The following ZNF235 variants were observed in gnomAD, a reference collection of about 807,000 sequenced individuals.
ZNF235 encodes the protein zinc finger protein 235, also known as zfp-93.
Under a neutral mutation model 29.4 loss-of-function variants are expected in ZNF235, and 25 were observed. That is an observed-to-expected ratio of 0.85 (90% CI 0.62 to 1.19). The LOEUF (loss-of-function observed/expected upper bound fraction) is 1.19. ZNF235 is among the 50% of genes most tolerant of loss of function. The pLI is 0.00. For missense variants in ZNF235, 788 were observed against 885.0 expected (o/e 0.89, Z 1.39); for synonymous variants, 300 against 295.3 (o/e 1.02, Z -0.16).
At chr19:44,299,874 A>G (rs1975710561) in intron 2 of ZNF235, 142 bp from the exon 3 acceptor site, 1 of 1,273,880 alleles carries the variant, frequency 7.9e-7, no homozygotes, top group Non-Finnish European at 1.1e-6. Context: ...CACCTTGTAC[A>G]TGTAACGTGG....
At chr19:44,301,369 G>A (rs1418697621) in intron 2 of ZNF235, among the ~76,000 whole-genome samples, 2 of 152,148 alleles carry the variant, frequency 1.3e-5, no homozygotes, top group Admixed American at 6.5e-5. Flanking sequence ...ACTGAGAAAG[G>A]GAATCTGGTG....
At chr19:44,295,562 T>C (rs76681651) in intron 4 of ZNF235, among the ~76,000 whole-genome samples, 1 of 152,108 alleles carries the variant, frequency 6.6e-6, no homozygotes, top group Non-Finnish European at 1.5e-5. Context: ...TAAATACTAA[T>C]GTCATTTTTT....
At chr19:44,298,711 TA>T in intron 4 of ZNF235, 96 bp downstream of exon 4, 1 of 960,804 alleles carries the variant, frequency 1.0e-6, no homozygotes, top group Non-Finnish European at 1.6e-6. Context: ...AGATGTTTTT[TA>T]AAAAAGTCTC....
chr19:44,305,014 G>T lies in ZNF235; in HGVS notation c.-92C>A. 1.1e-6 allele frequency: 1 copy of T among 910,260 alleles called. No homozygotes were observed. Among genetic ancestry groups the T allele is most frequent in the East Asian group, 1.2e-4 (1 of 8,408 alleles). 56.4% of individuals were successfully genotyped at this position (910,260 alleles called of 1,614,324 possible). On this transcript the variant is annotated 5_prime_UTR_variant, in exon 1 of 5. Transcript: ENST00000291182. Reference sequence around the variant, plus strand: ...AGATCCGACCTCGCCTTCCTGGAGCGGAAGTGCCTCCGAGTGCCCACGGTT... The same window carrying T: ...AGATCCGACCTCGCCTTCCTGGAGCTGAAGTGCCTCCGAGTGCCCACGGTT...
At chr19:44,301,357 G>GC in intron 2 of ZNF235, among the ~76,000 whole-genome samples, 1 of 152,190 alleles carries the variant, frequency 6.6e-6, no homozygotes, top group Non-Finnish European at 1.5e-5. Context: ...AAAGAGCCAT[G>GC]CACTGAGAAA....
chr19:44,291,218 C>T (rs1261847503), intron 4 of ZNF235, among the ~76,000 whole-genome samples: 3 of 152,170 alleles, frequency 2.0e-5, no homozygotes, highest in African/African-American at 4.8e-5. Flanking sequence ...CTAACCACAA[C>T]TGATTTAAAT....
At position 44,288,407 on chromosome 19, in the gene ZNF235, CCT is replaced by C. The variant is rs751661608; in HGVS notation, c.1026_1027del (p.Lys345ThrfsTer9). ...CTCGTGGCATGTATAGGGTTTCTCC[CCT>C]GTGTGGACTCTCTGATGAGTTTGCA... On this transcript the variant is annotated frameshift_variant, in exon 5 of 5. Transcript: ENST00000291182. LOFTEE classifies it high-confidence loss of function. The C allele has an allele frequency of 3.8e-5, 62 of 1,613,970 alleles. No individual in the cohort carries two copies. The highest frequency in any genetic ancestry group is 1.9e-4 in the African/African-American group (14 of 74,982).
Position 44,288,835 on chromosome 19 carries a change from C to T in ZNF235, c.600G>A (p.Gln200=), listed in dbSNP as rs775093919. The T allele has an allele frequency of 6.2e-7, 1 of 1,612,630 alleles. No homozygotes were observed. Among genetic ancestry groups the T allele is most frequent in the Non-Finnish European group, 8.5e-7 (1 of 1,179,084 alleles). ...TACATAGTTTGTTTTTCATCTGAGT[C>T]TGCTTACAACTTCTCTGATAATTCT... ...ETQNYQRSCK[Q]TQMKNKLCIF... Residue 200 remains glutamine, a synonymous_variant, in exon 5 of 5, where the codon CAG becomes CAA. Transcript: ENST00000291182.
chr19:44,299,821 C>T (rs1193159667), intron 2 of ZNF235, 89 bp from the exon 3 acceptor site: 4 of 1,600,394 alleles, frequency 2.5e-6, no homozygotes, highest in South Asian at 1.1e-5. Context: ...CTATTCTTCC[C>T]CTTCCACAAT....
chr19:44,299,548 C>T, intron 3 of ZNF235, 58 bp downstream of exon 3: 3 of 1,600,802 alleles, frequency 1.9e-6, no homozygotes, highest in East Asian at 2.2e-5. Context: ...TGGCCCAAAA[C>T]ATCAATGGCA....
At position 44,287,403 on chromosome 19, in the gene ZNF235, T is replaced by G; in HGVS notation, c.2032A>C (p.Thr678Pro). 1 of 1,614,132 alleles carries G rather than the reference T, an allele frequency of 6.2e-7. No individual in the cohort carries two copies. Among genetic ancestry groups the G allele is most frequent in the Non-Finnish European group, 8.5e-7 (1 of 1,180,004 alleles). The change falls in exon 5 of 5, where the codon ACA (threonine) becomes CCA (proline). Residue 678 changes from threonine (T) to proline (P), a missense_variant. Transcript: ENST00000291182. ...AGLSAHQRVH[T>P]GEKPYTCQQC... The stretch of plus-strand genomic sequence containing the variant: ...TGACACGTATAGGGTTTCTCTCCTG[T>G]GTGGACCCTCTGATGGGCACTGAGA...
chr19:44,299,537 C>T, intron 3 of ZNF235, 69 bp downstream of exon 3: 1 of 1,586,254 alleles, frequency 6.3e-7, no homozygotes, highest in Non-Finnish European at 8.6e-7. Flanking sequence ...ACAGAATTAT[C>T]TGGCCCAAAA....
chr19:44,299,303 T>C (rs376860354), intron 3 of ZNF235, among the ~76,000 whole-genome samples: 5 of 152,160 alleles, frequency 3.3e-5, no homozygotes, highest in East Asian at 1.9e-4. Context: ...AAAAAAGATA[T>C]ACGAAATAAG....
intron 4 of ZNF235, among the ~76,000 whole-genome samples, chr19:44,295,674 T>C (rs1203729366): frequency 1.3e-5 from 2 of 152,182 alleles, no homozygotes; most frequent in East Asian, 3.8e-4. Context: ...GGCATTACAT[T>C]ACCTGACTTC....
chr19:44,302,964 ACGTATATATG>A (rs1249887348), intron 2 of ZNF235, among the ~76,000 whole-genome samples: 2 of 130,810 alleles, frequency 1.5e-5, no homozygotes, highest in Admixed American at 8.1e-5. Flanking sequence ...ATAAATATAT[ACGTATATATG>A]TATATATTTA....
chr19:44,304,322 G>A (rs1975798775), intron 1 of ZNF235, among the ~76,000 whole-genome samples: 3 of 152,168 alleles, frequency 2.0e-5, no homozygotes, highest in African/African-American at 7.2e-5. Flanking sequence ...CTGGCACTCT[G>A]CAAATCCGTA....
chr19:44,303,031 GTA>G (rs1273335134), intron 2 of ZNF235, among the ~76,000 whole-genome samples: 1 of 125,628 alleles, frequency 8.0e-6, no homozygotes, highest in Non-Finnish European at 1.6e-5. Context: ...TAAAATATAC[GTA>G]TATATTGTAT....
chr19:44,287,847 A>T lies in ZNF235; in HGVS notation c.1588T>A (p.Phe530Ile), dbSNP rs1975513515. Reference sequence around the variant, plus strand: ...GTGTGGACTCTCTGATGTGCTTGAAAGTATGAACTCTGACTGAAGCCTTTC... The same window carrying T: ...GTGTGGACTCTCTGATGTGCTTGAATGTATGAACTCTGACTGAAGCCTTTC... ...CGKGFSQSSY[F>I]QAHQRVHTGE... The change falls in exon 5 of 5, where the codon TTT becomes ATT. Residue 530 changes from phenylalanine to isoleucine, a missense_variant. Phe to Ile is a conservative substitution (Grantham distance 21, BLOSUM62 0). Coordinates refer to ENST00000291182, the MANE Select transcript of ZNF235 (RefSeq NM_004234.4). 1.2e-6 allele frequency: 2 copies of T among 1,609,814 alleles called. No individual in the cohort carries two copies.
chr19:44,294,815 T>C lies in ZNF235; in HGVS notation c.238+3993A>G, dbSNP rs114830154. Among the ~76,000 whole-genome samples, 304 of 152,054 alleles carry C rather than the reference T, an allele frequency of 2.0e-3. 1 individual carries two copies. Among genetic ancestry groups the C allele is most frequent in the African/African-American group, 7.0e-3 (291 of 41,470 alleles). ...AAACCAATAAATGTGATTCAGCCTA[T>C]AAACAGAATTAAAAACAAAAACCAC... is the stretch of plus-strand genomic sequence containing the variant. On this transcript the variant is annotated intron_variant, in intron 4 of 4. Transcript: ENST00000291182.
Sources: allele counts gnomAD v4.1 joint callset (sites outside exome capture counted in the v4.1 genomes callset), GRCh38; gene constraint gnomAD v4.1.1; transcripts MANE v1.5; gene names NCBI Gene and HGNC (gene_info 2026-07-23, HGNC 2026-07-21).